The following IGSF3 variants were observed in gnomAD, a reference collection of about 807,000 sequenced individuals.
IGSF3 encodes the protein glu-Trp-Ile EWI motif-containing protein 3.
IGSF3 carries 23 observed loss-of-function variants against 114.4 expected under a neutral mutation model. The ratio of observed to expected loss-of-function variants is 0.20; its 90% CI spans 0.14 to 0.28. IGSF3 has a LOEUF of 0.28. Among genes scored for constraint, IGSF3 ranks in the 10% least tolerant of loss-of-function variants. The probability of loss-of-function intolerance (pLI) is 1.00; values close to 1 mark genes in which losing one functional copy is unlikely to be tolerated. For synonymous variants in IGSF3, 571 were observed against 645.2 expected (o/e 0.88, Z 1.74); for missense variants, 1,172 against 1,591.5 (o/e 0.74, Z 4.48).
At chr1:116,581,103 G>C (rs1659583262) in intron 9 of IGSF3, among the ~76,000 whole-genome samples, 1 of 152,188 alleles carries the variant, frequency 6.6e-6, no homozygotes, top group Non-Finnish European at 1.5e-5. Context: ...CTAAAACACA[G>C]AGAACCCAAG....
chr1:116,653,588 C>T (rs1282879988), intron 2 of IGSF3, among the ~76,000 whole-genome samples: 4 of 152,194 alleles, frequency 2.6e-5, no homozygotes, highest in Non-Finnish European at 4.4e-5. Context: ...TGACGTGCAT[C>T]AGAGTCTCTT....
chr1:116,636,611 T>C lies in IGSF3; in HGVS notation c.44-20154A>G, dbSNP rs1292177119. Reference sequence around the variant, plus strand: ...CCAGACTTGGAGAAGCTGTGATCTGTCTAGCCCTTCTACACCAGGAGCGAG... The same window carrying C: ...CCAGACTTGGAGAAGCTGTGATCTGCCTAGCCCTTCTACACCAGGAGCGAG... On this transcript the variant is annotated intron_variant, in intron 2 of 10. Coordinates refer to ENST00000369486, the MANE Select transcript of IGSF3 (RefSeq NM_001007237.3). The surrounding 1 kb of genome is among the most constrained non-coding windows in gnomAD (Gnocchi z 4.5). Among the ~76,000 whole-genome samples the C allele has an allele frequency of 1.3e-5, 2 of 152,048 alleles. No individual in the cohort carries two copies. Among genetic ancestry groups the C allele is most frequent in the African/African-American group, 4.8e-5 (2 of 41,374 alleles).
At chr1:116,597,351 G>C (rs1025810580) in intron 7 of IGSF3, among the ~76,000 whole-genome samples, 1 of 152,190 alleles carries the variant, frequency 6.6e-6, no homozygotes, top group Non-Finnish European at 1.5e-5. Flanking sequence ...AAAGTATATA[G>C]GAAAGAGTAA....
At position 116,615,167 on chromosome 1, in the gene IGSF3, G is replaced by A. The variant is rs1297229913; in HGVS notation, c.421+913C>T. On this transcript the variant is annotated intron_variant, in intron 3 of 10. Transcript: ENST00000369486. The surrounding 1 kb of genome is among the most constrained non-coding windows in gnomAD (Gnocchi z 4.3). ...TGCATGCCTGTAATCCCAGCTACTC[G>A]GGAGGCTGAGGCAGAAGAATTGCTT... is the stretch of plus-strand genomic sequence containing the variant. Among the ~76,000 whole-genome samples, 3 of 151,954 alleles carry A rather than the reference G, an allele frequency of 2.0e-5. No individual in the cohort carries two copies. The highest frequency in any genetic ancestry group is 2.9e-5 in the Non-Finnish European group (2 of 67,964).
chr1:116,663,697 A>T (rs1316308737), intron 2 of IGSF3, among the ~76,000 whole-genome samples: 2 of 152,122 alleles, frequency 1.3e-5, no homozygotes, highest in Non-Finnish European at 2.9e-5. Context: ...CAGGTGCAGA[A>T]AAGCACAGGT....
rs1374003614 is a variant in IGSF3 at position 116,661,574 on chromosome 1, T to C, written c.43+4710A>G. On this transcript the variant is annotated intron_variant, in intron 2 of 10. Transcript: ENST00000369486. This position sits in a 1 kb window ranked among gnomAD's most constrained non-coding sequence, Gnocchi z 4.0. ...ACTCATGCCTTCCTAACAAGCCTTCTTAGAAGCCAGAGGCTCGGCTTCAGA... is the reference window on the plus strand; with the variant it reads ...ACTCATGCCTTCCTAACAAGCCTTCCTAGAAGCCAGAGGCTCGGCTTCAGA... Among the ~76,000 whole-genome samples, 1 of 152,238 alleles carries C rather than the reference T, an allele frequency of 6.6e-6. No homozygotes were observed. The highest frequency in any genetic ancestry group is 1.9e-4 in the East Asian group (1 of 5,200).
chr1:116,616,178 G>A lies in IGSF3; in HGVS notation c.323C>T (p.Thr108Ile), dbSNP rs1296108171. ...CCCGGCATCCCGGGCCTGAAGATCT[G>A]TGATGTGCAATAGGGTTGAGTTCCC... Reference protein sequence around the residue: ...VQGNSTLLHITDLQARDAGEY... With the variant: ...VQGNSTLLHIIDLQARDAGEY... The change falls in exon 3 of 11, where the codon ACA becomes ATA. Residue 108 changes from threonine (T) to isoleucine (I), a missense_variant. By Grantham distance (89) the Thr-to-Ile change is moderately conservative (BLOSUM62 -1). Transcript: ENST00000369486. The surrounding 1 kb of genome is among the most constrained non-coding windows in gnomAD (Gnocchi z 6.6). The A allele has an allele frequency of 9.9e-6, 16 of 1,613,876 alleles. No homozygotes were observed. In the East Asian group the frequency reaches 2.0e-4, roughly 20 times the overall value.
intron 2 of IGSF3, among the ~76,000 whole-genome samples, chr1:116,617,577 C>G (rs1433625365): frequency 6.6e-6 from 1 of 152,170 alleles, no homozygotes; most frequent in Non-Finnish European, 1.5e-5. Flanking sequence ...GCATGGGTTC[C>G]GATGCTGGCT....
rs1649293197 is a variant in IGSF3 at position 116,665,501 on chromosome 1, A to C, written c.43+783T>G. Among the ~76,000 whole-genome samples, 1 of 152,150 alleles carries C rather than the reference A, an allele frequency of 6.6e-6. No homozygotes were observed. Among genetic ancestry groups the C allele is most frequent in the African/African-American group, 2.4e-5 (1 of 41,440 alleles). ...GCTGAAGACAGTGCTCAATGGCATA[A>C]AAAGAATAGGCAATTGTTGAGCAGA... On this transcript the variant is annotated intron_variant, in intron 2 of 10. Coordinates refer to ENST00000369486, the MANE Select transcript of IGSF3 (RefSeq NM_001007237.3). This position sits in a 1 kb window ranked among gnomAD's most constrained non-coding sequence, Gnocchi z 4.0.
In IGSF3 at chr1:116,593,004, G is replaced by A. The variant is rs942434244; in HGVS notation, c.2030-3900C>T. The stretch of plus-strand genomic sequence containing the variant: ...AGAGAGGGGACAAGAGGAAAAAGAT[G>A]ACAACTACCCTGTGCACTCTATTCA... On this transcript the variant is annotated intron_variant, in intron 7 of 10. Coordinates refer to ENST00000369486, the MANE Select transcript of IGSF3 (RefSeq NM_001007237.3). The surrounding 1 kb of genome is among the most constrained non-coding windows in gnomAD (Gnocchi z 4.5). 1.3e-5 allele frequency among the ~76,000 whole-genome samples: 2 copies of A among 152,230 alleles called. No individual in the cohort carries two copies. The highest frequency in any genetic ancestry group is 2.9e-5 in the Non-Finnish European group (2 of 68,042).
chr1:116,606,385 T>C lies in IGSF3; in HGVS notation c.1222+1557A>G, dbSNP rs560894003. On this transcript the variant is annotated intron_variant, in intron 5 of 10. Coordinates refer to ENST00000369486, the MANE Select transcript of IGSF3 (RefSeq NM_001007237.3). ...TGAGAGGTGGGAGCGGAGAAGGAGATGATATATGCAGAAGCACTTTGGTCT... is the reference window on the plus strand; with the variant it reads ...TGAGAGGTGGGAGCGGAGAAGGAGACGATATATGCAGAAGCACTTTGGTCT... 54 of 1,496,634 alleles carry C rather than the reference T, an allele frequency of 3.6e-5. No individual in the cohort carries two copies. The African/African-American group carries it at 7.3e-4, about 20-fold the overall frequency. 92.7% of individuals were successfully genotyped at this position (1,496,634 alleles called of 1,614,324 possible).
rs1209893533 is a variant in IGSF3, at chr1:116,634,806, G to C, written c.44-18349C>G. On this transcript the variant is annotated intron_variant, in intron 2 of 10. Transcript: ENST00000369486. This position sits in a 1 kb window ranked among gnomAD's most constrained non-coding sequence, Gnocchi z 4.2. ...ACCTTAAGGCTAGGTCACAAACAGG[G>C]AACGCAGCTTCTGCCAGCTCTCCTG... 6.6e-6 allele frequency among the ~76,000 whole-genome samples: 1 copy of C among 152,098 alleles called. No homozygotes were observed. Among genetic ancestry groups the C allele is most frequent in the East Asian group, 1.9e-4 (1 of 5,186 alleles).
rs1441070038 is a variant in IGSF3 at position 116,588,720 on chromosome 1, C to T, written c.2414G>A (p.Arg805His). Residue 805 changes from arginine to histidine, a missense_variant, in exon 8 of 11, where the codon CGC becomes CAC. Transcript: ENST00000369486. The surrounding 1 kb of genome is among the most constrained non-coding windows in gnomAD (Gnocchi z 4.9). Reference protein sequence around the residue: ...WYKLAEEVSGRTEVTVKQPDS... With the variant: ...WYKLAEEVSGHTEVTVKQPDS... Reference sequence around the variant, plus strand: ...TGGCTGTTTCACAGTGACTTCTGTGCGCCCAGAAACCTCCTCTGCCAGCTT... The same window carrying T: ...TGGCTGTTTCACAGTGACTTCTGTGTGCCCAGAAACCTCCTCTGCCAGCTT... 3.1e-6 allele frequency: 5 copies of T among 1,607,712 alleles called. No homozygotes were observed. The highest frequency in any genetic ancestry group is 1.3e-5 in the African/African-American group (1 of 74,834).
intron 2 of IGSF3, among the ~76,000 whole-genome samples, chr1:116,641,080 G>T (rs145564797): frequency 1.5e-3 from 233 of 152,320 alleles, no homozygotes; most frequent in African/African-American, 5.5e-3. Context: ...GAGGGTAGGG[G>T]AGTGATGGTA....
Position 116,616,098 on chromosome 1 carries a change from C to T in IGSF3, c.403G>A (p.Ala135Thr). Residue 135 changes from alanine (A) to threonine (T), a missense_variant, in exon 3 of 11, where the codon GCA (alanine) becomes ACA (threonine). This residue lies in a region of IGSF3 where 736 missense variants were observed against 1,042.0 expected (regional missense o/e 0.71). Coordinates refer to ENST00000369486, the MANE Select transcript of IGSF3 (RefSeq NM_001007237.3). This position sits in a 1 kb window ranked among gnomAD's most constrained non-coding sequence, Gnocchi z 6.6. ...TDKQYFGSYS[A>T]KMNLVVIPDS... ...TCCTTACCCACTAGGTTCATCTTTGCACTGTAACTCCCAAAGTATTGCTTA... is the reference window on the plus strand; with the variant it reads ...TCCTTACCCACTAGGTTCATCTTTGTACTGTAACTCCCAAAGTATTGCTTA... 23 of 1,601,968 alleles carry T rather than the reference C, an allele frequency of 1.4e-5. No homozygotes were observed. The highest frequency in any genetic ancestry group is 1.8e-5 in the Non-Finnish European group (21 of 1,169,706).
rs187838452 is a variant in IGSF3 at position 116,662,128 on chromosome 1, C to T, written c.43+4156G>A. 9.2e-5 allele frequency among the ~76,000 whole-genome samples: 14 copies of T among 151,776 alleles called. No individual in the cohort carries two copies. Among genetic ancestry groups the T allele is most frequent in the Admixed American group, 5.3e-4 (8 of 15,226 alleles). On this transcript the variant is annotated intron_variant, in intron 2 of 10. Coordinates refer to ENST00000369486, the MANE Select transcript of IGSF3 (RefSeq NM_001007237.3). The surrounding 1 kb of genome is among the most constrained non-coding windows in gnomAD (Gnocchi z 4.3). The stretch of plus-strand genomic sequence containing the variant: ...GCTCATTGCCCAGGCTGGAGTGCAA[C>T]GGCGCGATCTCGGCTCACTGCAACC...
At position 116,654,030 on chromosome 1, in the gene IGSF3, T is replaced by C. The variant is rs1320854263; in HGVS notation, c.43+12254A>G. On this transcript the variant is annotated intron_variant, in intron 2 of 10. Coordinates refer to ENST00000369486, the MANE Select transcript of IGSF3 (RefSeq NM_001007237.3). The surrounding 1 kb of genome is among the most constrained non-coding windows in gnomAD (Gnocchi z 4.4). ...TGTTCAGCAAATCATCTCTAAACAA[T>C]GTCATAAAGGGTTACCTAGTTTGGG... 6.6e-6 allele frequency among the ~76,000 whole-genome samples: 1 copy of C among 152,230 alleles called. No homozygotes were observed. The highest frequency in any genetic ancestry group is 1.5e-5 in the Non-Finnish European group (1 of 68,040).
chr1:116,631,195 G>T (rs1473877712), intron 2 of IGSF3, among the ~76,000 whole-genome samples: 2 of 147,430 alleles, frequency 1.4e-5, no homozygotes, highest in African/African-American at 2.5e-5. Flanking sequence ...GCGGGCTCCT[G>T]TAGTCCCAGC....
chr1:116,589,510 G>A lies in IGSF3; in HGVS notation c.2030-406C>T, dbSNP rs750516900. Among the ~76,000 whole-genome samples, 45 of 152,022 alleles carry A rather than the reference G, an allele frequency of 3.0e-4. No individual in the cohort carries two copies. The highest frequency in any genetic ancestry group is 4.3e-4 in the Non-Finnish European group (29 of 68,004). ...TTCAGGATCTGGCCTTCACCCAAGT[G>A]TCCTGACTCATCTCTCACGACTCAC... On this transcript the variant is annotated intron_variant, in intron 7 of 10. Coordinates refer to ENST00000369486, the MANE Select transcript of IGSF3 (RefSeq NM_001007237.3). This position sits in a 1 kb window ranked among gnomAD's most constrained non-coding sequence, Gnocchi z 5.7.
Sources: gnomAD v4.1 joint callset for allele counts (sites outside exome capture counted in the v4.1 genomes callset) on GRCh38, gnomAD v4.1.1 for gene constraint, gnomAD v4.1.1 regional missense constraint, Gnocchi (gnomAD v3.1) non-coding constraint, MANE v1.5 for transcripts, NCBI Gene and HGNC (gene_info 2026-07-23, HGNC 2026-07-21) for gene names.